Variants in SNTG2 observed in about 807,000 individuals in gnomAD.
SNTG2 encodes the protein gamma-2-syntrophin.
Under a neutral mutation model 70.9 loss-of-function variants are expected in SNTG2, and 74 were observed. The observed-to-expected ratio is 1.04, with a 90% CI of 0.86 to 1.27. SNTG2 has a LOEUF of 1.27. Ranked by LOEUF, SNTG2 falls within the 50% of genes most tolerant of loss-of-function variation. The pLI is 0.00. For synonymous variants in SNTG2, 278 were observed against 273.8 expected, an observed-to-expected ratio of 1.02 and a Z score of -0.15; for missense variants, 717 against 690.7, an observed-to-expected ratio of 1.04 and a Z score of -0.43.
intron 1 of SNTG2, among the ~76,000 whole-genome samples, chr2:1,078,776 G>A (rs748441975): frequency 1.3e-5 from 2 of 151,916 alleles, no homozygotes; most frequent in African/African-American, 4.8e-5. Flanking sequence ...AGCTTTGAAG[G>A]CAACTGAACC....
At chr2:1,260,470 C>A (rs143069425) in intron 13 of SNTG2, among the ~76,000 whole-genome samples, 1 of 151,866 alleles carries the variant, frequency 6.6e-6, no homozygotes, top group Non-Finnish European at 1.5e-5. Flanking sequence ...AGGAAAAGGC[C>A]GGATGTATTT....
chr2:1,093,107 A>G (rs1182624381), intron 2 of SNTG2, among the ~76,000 whole-genome samples: 1 of 152,130 alleles, frequency 6.6e-6, no homozygotes, highest in Non-Finnish European at 1.5e-5. Flanking sequence ...GTAAGTGAGG[A>G]GGCCGTGATT....
intron 1 of SNTG2, among the ~76,000 whole-genome samples, chr2:952,399 G>A (rs1483570018): frequency 6.6e-6 from 1 of 152,164 alleles, no homozygotes; most frequent in African/African-American, 2.4e-5. Flanking sequence ...TAATTATAGC[G>A]GAAGCGTTGA....
intron 1 of SNTG2, among the ~76,000 whole-genome samples, chr2:996,534 C>G (rs2147982991): frequency 6.6e-6 from 1 of 152,192 alleles, no homozygotes; most frequent in Non-Finnish European, 1.5e-5. Context: ...CTGCCACAAA[C>G]ATTGTGTGTA....
chr2:1,130,947 G>A (rs967141987), intron 4 of SNTG2, among the ~76,000 whole-genome samples: 1 of 152,188 alleles, frequency 6.6e-6, no homozygotes, highest in Non-Finnish European at 1.5e-5. Context: ...TTTTTCTATA[G>A]TTTTGACTAA....
At chr2:1,011,794 A>G (rs1659735138) in intron 1 of SNTG2, among the ~76,000 whole-genome samples, 1 of 152,030 alleles carries the variant, frequency 6.6e-6, no homozygotes, top group Admixed American at 6.5e-5. Flanking sequence ...AATGCTTATT[A>G]TCAACTAAAA....
chr2:1,360,820 G>A (rs1478430892), intron 16 of SNTG2, among the ~76,000 whole-genome samples: 1 of 152,158 alleles, frequency 6.6e-6, no homozygotes, highest in Non-Finnish European at 1.5e-5. Flanking sequence ...TGTAGAGATG[G>A]AGTCTCTAAA....
rs151089180 is a variant in SNTG2, at chr2:1,090,659, G to T, written c.210+7004G>T. On this transcript the variant is annotated intron_variant, in intron 2 of 16. Coordinates refer to ENST00000308624, the MANE Select transcript of SNTG2 (RefSeq NM_018968.4). ...CTCCATTGACATGGTTCCAAGGTTT[G>T]CAGCCCCCCTTCCCTGATTCTTCCT... 8.9e-3 allele frequency among the ~76,000 whole-genome samples: 1,352 copies of T among 152,284 alleles called. 34 individuals are homozygous for T. Among genetic ancestry groups the T allele is most frequent in the Non-Finnish European group, 8.9e-3 (603 of 68,028 alleles).
At chr2:1,078,457 C>G (rs1664067665) in intron 1 of SNTG2, among the ~76,000 whole-genome samples, 2 of 152,014 alleles carry the variant, frequency 1.3e-5, no homozygotes, top group Non-Finnish European at 2.9e-5. Flanking sequence ...GGCAGGTGGA[C>G]AGACCCCAGG....
chr2:1,083,428 T>C, intron 1 of SNTG2, 90 bp from the exon 2 acceptor site: 2 of 1,393,860 alleles, frequency 1.4e-6, no homozygotes, highest in African/African-American at 2.8e-5. Flanking sequence ...CATTTTAGGA[T>C]TGTCTTGAGC....
chr2:1,351,851 G>T (rs61333681), intron 16 of SNTG2, among the ~76,000 whole-genome samples: 37,297 of 152,040 alleles, frequency 0.25, 4,872 homozygotes, highest in East Asian at 0.36. Flanking sequence ...CCCACGAGGC[G>T]CTTTCCTCCT....
chr2:1,193,670 G>C (rs148234971), intron 8 of SNTG2, among the ~76,000 whole-genome samples: 1 of 152,104 alleles, frequency 6.6e-6, no homozygotes, highest in African/African-American at 2.4e-5. Flanking sequence ...CCATAAAGAA[G>C]AAAGTCCTGA....
At chr2:1,309,763 C>A (rs1680890068) in intron 15 of SNTG2, among the ~76,000 whole-genome samples, 1 of 152,230 alleles carries the variant, frequency 6.6e-6, no homozygotes, top group African/African-American at 2.4e-5. Flanking sequence ...CACATATTTG[C>A]ATAAGCATTG....
chr2:1,213,299 G>T (rs1205765422), intron 9 of SNTG2, among the ~76,000 whole-genome samples: 1 of 152,104 alleles, frequency 6.6e-6, no homozygotes, highest in Non-Finnish European at 1.5e-5. Context: ...ATCATTGATT[G>T]GTCCTCAGAA....
intron 1 of SNTG2, among the ~76,000 whole-genome samples, chr2:1,023,225 T>C (rs1207330393): frequency 6.6e-6 from 1 of 151,960 alleles, no homozygotes; most frequent in East Asian, 1.9e-4. Flanking sequence ...CTGTTTGAAA[T>C]GAGGGATTTG....
intron 1 of SNTG2, among the ~76,000 whole-genome samples, chr2:963,782 A>G (rs553323892): frequency 6.6e-6 from 1 of 152,344 alleles, no homozygotes; most frequent in African/African-American, 2.4e-5. Context: ...CTAGAATCTT[A>G]ACAGTTTACA....
At position 1,265,541 on chromosome 2, in the gene SNTG2, G is replaced by A. The variant is rs80242184; in HGVS notation, c.1078-1824G>A. ...AGGGTCATCCTGCAGAGCCATCTGC[G>A]GGGCCAGGAGAGCCAGGGCATCCCC... On this transcript the variant is annotated intron_variant, in intron 13 of 16. Coordinates refer to ENST00000308624, the MANE Select transcript of SNTG2 (RefSeq NM_018968.4). Among the ~76,000 whole-genome samples the A allele has an allele frequency of 5.1e-3, 773 of 152,302 alleles. 3 individuals carry two copies. The highest frequency in any genetic ancestry group is 6.7e-3 in the African/African-American group (280 of 41,570).
chr2:1,307,569 G>A (rs9679244), intron 14 of SNTG2, among the ~76,000 whole-genome samples: 54,716 of 151,852 alleles, frequency 0.36, 9,995 homozygotes, highest in Middle Eastern at 0.48. Flanking sequence ...CTCAGAGACA[G>A]GCCCAGAACC....
intron 9 of SNTG2, among the ~76,000 whole-genome samples, chr2:1,221,479 C>CTCTCTCTG (rs1674840864): frequency 5.1e-4 from 4 of 7,796 alleles, no homozygotes; most frequent in African/African-American, 7.8e-4. Context: ...CTCTGTCTCT[C>CTCTCTCTG]TCTCTCTCTG....
Sources: allele counts gnomAD v4.1 joint callset (sites outside exome capture counted in the v4.1 genomes callset), GRCh38; gene constraint gnomAD v4.1.1; transcripts MANE v1.5; gene names NCBI Gene and HGNC (gene_info 2026-07-23, HGNC 2026-07-21).